ARHGAP32: variants seen among roughly 807,000 people sequenced by gnomAD.
ARHGAP32 encodes the protein Rho GTPase activating protein 32.
In ARHGAP32, 51 loss-of-function variants were observed where a neutral mutation model predicts 186.5. The observed-to-expected ratio is 0.27, with a 90% CI of 0.22 to 0.35. The LOEUF (loss-of-function observed/expected upper bound fraction) is 0.35. Among genes scored for constraint, ARHGAP32 ranks in the 10% least tolerant of loss-of-function variants. ARHGAP32 has a pLI of 1.00. For missense variants in ARHGAP32, 2,186 were observed against 2,623.5 expected (o/e 0.83, Z 3.64); for synonymous variants, 950 against 964.3 (o/e 0.99, Z 0.27).
chr11:129,231,004 G>A (rs1944851508), intron 1 of ARHGAP32, among the ~76,000 whole-genome samples: 1 of 152,032 alleles, frequency 6.6e-6, no homozygotes, highest in South Asian at 2.1e-4. Flanking sequence ...CCATGGTGGT[G>A]GGTGCCTGTA....
intron 1 of ARHGAP32, among the ~76,000 whole-genome samples, chr11:129,266,698 A>G (rs975689836): frequency 1.3e-5 from 2 of 152,188 alleles, no homozygotes; most frequent in African/African-American, 4.8e-5. Flanking sequence ...GCTTAGACCT[A>G]AACAATGGCA....
chr11:129,219,257 A>C (rs542984732), intron 1 of ARHGAP32, among the ~76,000 whole-genome samples: 3 of 152,210 alleles, frequency 2.0e-5, no homozygotes, highest in Non-Finnish European at 2.9e-5. Context: ...TACAAATTTC[A>C]GTTGCAAGTA....
chr11:129,075,406 A>C (rs1211061252), intron 6 of ARHGAP32, among the ~76,000 whole-genome samples: 1 of 152,240 alleles, frequency 6.6e-6, no homozygotes, highest in African/African-American at 2.4e-5. Context: ...GGCACTCAGT[A>C]ATGTCAAATG....
chr11:128,992,613 C>A (rs1946090955), intron 12 of ARHGAP32, among the ~76,000 whole-genome samples: 1 of 151,434 alleles, frequency 6.6e-6, no homozygotes, highest in Non-Finnish European at 1.5e-5. Flanking sequence ...CCTGTCTCTA[C>A]CAAAAAATAC....
chr11:129,038,803 T>G (rs1939466263), intron 11 of ARHGAP32, among the ~76,000 whole-genome samples: 1 of 147,076 alleles, frequency 6.8e-6, no homozygotes, highest in African/African-American at 2.6e-5. Context: ...AGAAGGATCA[T>G]TTGAGGCCTG....
chr11:129,223,793 A>G lies in ARHGAP32; in HGVS notation c.-5+55353T>C, dbSNP rs535838431. On this transcript the variant is annotated intron_variant, in intron 1 of 6. Transcript: ENST00000525234. ...AGATTTCTACATGCCAGGATTTCCC[A>G]AAGAACATTAAGCAATTAAGATGAA... Among the ~76,000 whole-genome samples the G allele has an allele frequency of 3.9e-5, 6 of 152,328 alleles. No homozygotes were observed. The East Asian group carries it at 1.2e-3, about 29-fold the overall frequency.
At chr11:129,041,721 G>C (rs561703102) in intron 10 of ARHGAP32, among the ~76,000 whole-genome samples, 1 of 152,266 alleles carries the variant, frequency 6.6e-6, no homozygotes, top group Non-Finnish European at 1.5e-5. Context: ...GTAACAAGCC[G>C]TATTAGGAAA....
At chr11:129,260,713 T>C (rs1945310737) in intron 1 of ARHGAP32, among the ~76,000 whole-genome samples, 1 of 152,156 alleles carries the variant, frequency 6.6e-6, no homozygotes, top group Admixed American at 6.6e-5. Flanking sequence ...TCCTACTACT[T>C]TCTTGCGCTA....
intron 11 of ARHGAP32, among the ~76,000 whole-genome samples, chr11:129,033,072 TA>T (rs1205380666): frequency 1.3e-5 from 2 of 152,260 alleles, no homozygotes; most frequent in African/African-American, 2.4e-5. Context: ...CATTCAATAC[TA>T]TTTTTTGTGA....
chr11:129,262,584 C>A (rs756007360), intron 1 of ARHGAP32, among the ~76,000 whole-genome samples: 1 of 151,894 alleles, frequency 6.6e-6, no homozygotes, highest in Non-Finnish European at 1.5e-5. Context: ...AGGGTTTCAC[C>A]AGGGGGTTTC....
chr11:128,986,864 C>T (rs1323637726), intron 13 of ARHGAP32, among the ~76,000 whole-genome samples, 196 bp from the exon 14 acceptor site: 2 of 152,164 alleles, frequency 1.3e-5, no homozygotes, highest in Non-Finnish European at 2.9e-5. Context: ...AGATAGATGT[C>T]TTTCTATGTG....
chr11:129,230,601 A>C (rs1944845233), intron 1 of ARHGAP32, among the ~76,000 whole-genome samples: 1 of 152,134 alleles, frequency 6.6e-6, no homozygotes, highest in African/African-American at 2.4e-5. Context: ...TGTCTTCTCC[A>C]AGCTATATTA....
In ARHGAP32 at chr11:129,249,141, T is replaced by TC. The variant is rs1945144492; in HGVS notation, c.-5+30004dup. 2.0e-5 allele frequency among the ~76,000 whole-genome samples: 3 copies of TC among 151,788 alleles called. No homozygotes were observed. In the South Asian group the frequency reaches 6.2e-4, roughly 32 times the overall value. ...AATTCATTAAGAACAGCACAAAATA[T>TC]CCTAGATAACCAATGAGTAAAGCAA... On this transcript the variant is annotated intron_variant, in intron 1 of 6. Coordinates refer to the ARHGAP32 transcript ENST00000525234.
chr11:129,215,242 T>C (rs994982223), intron 1 of ARHGAP32, among the ~76,000 whole-genome samples: 3 of 152,124 alleles, frequency 2.0e-5, no homozygotes, highest in Admixed American at 2.0e-4. Context: ...TTGGTTAGGA[T>C]TAGGGTTTTG....
intron 1 of ARHGAP32, among the ~76,000 whole-genome samples, chr11:129,255,123 TA>T (rs1223288975): frequency 6.6e-6 from 1 of 152,114 alleles, no homozygotes; most frequent in Non-Finnish European, 1.5e-5. Context: ...ACATTAAAAC[TA>T]ACAGGTAACC....
At chr11:129,196,453 T>A (rs562562274), upstream of ARHGAP32, among the ~76,000 whole-genome samples, 1 of 152,344 alleles carries the variant, frequency 6.6e-6, no homozygotes, top group East Asian at 1.9e-4. Context: ...CTAGAGATGA[T>A]TTAAAGTATG....
At chr11:129,067,052 G>A (rs887025008) in intron 6 of ARHGAP32, among the ~76,000 whole-genome samples, 184 bp from the exon 7 acceptor site, 2 of 151,830 alleles carry the variant, frequency 1.3e-5, no homozygotes, top group Non-Finnish European at 2.9e-5. Flanking sequence ...TACATTAAAA[G>A]GCCAATAATT....
chr11:129,236,738 G>A (rs557334624), intron 1 of ARHGAP32, among the ~76,000 whole-genome samples: 2 of 152,130 alleles, frequency 1.3e-5, no homozygotes, highest in East Asian at 1.9e-4. Flanking sequence ...ATTTGGATGC[G>A]CTTTCTTTCT....
At chr11:129,236,710 T>C (rs143577090) in intron 1 of ARHGAP32, among the ~76,000 whole-genome samples, 3 of 152,216 alleles carry the variant, frequency 2.0e-5, no homozygotes, top group African/African-American at 4.8e-5. Flanking sequence ...CAGGGACAGT[T>C]TGACTTCCTC....
Sources: gnomAD v4.1 joint callset for allele counts (sites outside exome capture counted in the v4.1 genomes callset) on GRCh38, gnomAD v4.1.1 for gene constraint, MANE v1.5 for transcripts, NCBI Gene and HGNC (gene_info 2026-07-23, HGNC 2026-07-21) for gene names.